POLN: variants seen among roughly 807,000 people sequenced by gnomAD.
The protein encoded by POLN is DNA polymerase N.
POLN carries 108 observed loss-of-function variants against 113.5 expected under a neutral mutation model. The ratio of observed to expected loss-of-function variants is 0.95; its 90% CI spans 0.81 to 1.12. The LOEUF is 1.12. POLN is among the 50% of genes most tolerant of loss of function. The pLI is 0.00. For missense variants in POLN, 1,097 were observed against 1,077.1 expected, an observed-to-expected ratio of 1.02 and a Z score of -0.26; for synonymous variants, 386 against 391.5, an observed-to-expected ratio of 0.99 and a Z score of 0.17.
chr4:2,149,998 G>A (rs1299355331), intron 16 of POLN, among the ~76,000 whole-genome samples: 1 of 151,142 alleles, frequency 6.6e-6, no homozygotes, highest in African/African-American at 2.4e-5. Flanking sequence ...CAGGAGAATC[G>A]CTTGAACCCG....
At chr4:2,124,476 G>T (rs1036788118) in intron 19 of POLN, among the ~76,000 whole-genome samples, 14 of 152,008 alleles carry the variant, frequency 9.2e-5, no homozygotes, top group African/African-American at 3.4e-4. Flanking sequence ...TGGGAGTCTT[G>T]CCATGTTGCC....
intron 3 of POLN, 133 bp downstream of exon 3, chr4:2,228,966 G>T: frequency 2.5e-6 from 2 of 801,764 alleles, no homozygotes; most frequent in Non-Finnish European, 3.9e-6. Context: ...AGCTCAGTCT[G>T]CACTGAATGA....
intron 13 of POLN, among the ~76,000 whole-genome samples, chr4:2,169,496 G>T (rs1732808109): frequency 6.6e-6 from 1 of 152,172 alleles, no homozygotes; most frequent in Non-Finnish European, 1.5e-5. Context: ...TTCTCAGAAT[G>T]GCCGATGCTT....
At chr4:2,129,547 G>T (rs570957818) in intron 17 of POLN, among the ~76,000 whole-genome samples, 38 of 151,896 alleles carry the variant, frequency 2.5e-4, no homozygotes, top group Admixed American at 4.6e-4. Context: ...ACACTGCCAT[G>T]ACCAGCTGAT....
At chr4:2,140,022 G>C (rs1731957028) in intron 16 of POLN, 1 of 152,134 alleles carries the variant, frequency 6.6e-6, no homozygotes, top group African/African-American at 2.4e-5. Context: ...AACTCAAAAG[G>C]TAAGTAATAA....
chr4:2,235,756 TA>T (rs1205263973), intron 2 of POLN, among the ~76,000 whole-genome samples: 1 of 152,170 alleles, frequency 6.6e-6, no homozygotes, highest in Non-Finnish European at 1.5e-5. Flanking sequence ...AATATATATA[TA>T]TGTGTGTATG....
chr4:2,240,330 T>A (rs1267858162), intron 2 of POLN: 1 of 1,603,642 alleles, frequency 6.2e-7, no homozygotes, highest in African/African-American at 1.3e-5. Flanking sequence ...TTGCTCTTCC[T>A]GACTTAGGTA....
chr4:2,102,765 A>G (rs1322150494), intron 19 of POLN, among the ~76,000 whole-genome samples: 1 of 152,300 alleles, frequency 6.6e-6, no homozygotes, highest in Non-Finnish European at 1.5e-5. Flanking sequence ...GCCTCCACCA[A>G]TACCTACACC....
chr4:2,123,144 G>C (rs1233962118), intron 19 of POLN, among the ~76,000 whole-genome samples: 1 of 151,820 alleles, frequency 6.6e-6, no homozygotes, highest in Admixed American at 6.6e-5. Context: ...TCCCACTAAG[G>C]GTAACAGATC....
chr4:2,114,170 A>C (rs1006421551), intron 19 of POLN, among the ~76,000 whole-genome samples: 23 of 152,016 alleles, frequency 1.5e-4, no homozygotes, highest in African/African-American at 5.3e-4. Context: ...AAGTGCTGGG[A>C]TTACAGGCAT....
intron 5 of POLN, among the ~76,000 whole-genome samples, chr4:2,198,974 C>T (rs1017982513): frequency 5.3e-5 from 8 of 151,972 alleles, no homozygotes; most frequent in Admixed American, 3.3e-4. Context: ...AAGGCAAACA[C>T]ATCAGAAAGG....
chr4:2,118,045 C>T (rs1280158676), intron 19 of POLN, among the ~76,000 whole-genome samples: 1 of 152,208 alleles, frequency 6.6e-6, no homozygotes, highest in African/African-American at 2.4e-5. Flanking sequence ...CTTTAGTCAG[C>T]TCTATCTATG....
chr4:2,078,675 G>A (rs1418125330), intron 23 of POLN: 2 of 985,292 alleles, frequency 2.0e-6, no homozygotes. Context: ...ATTACTCCTG[G>A]AAGAACAAAT....
chr4:2,187,792 G>A (rs1223571898), intron 7 of POLN, among the ~76,000 whole-genome samples: 2 of 151,946 alleles, frequency 1.3e-5, no homozygotes, highest in Non-Finnish European at 2.9e-5. Context: ...AGGAGGGAGT[G>A]GGATAACCTA....
At chr4:2,235,563 T>G (rs1734730703) in intron 2 of POLN, among the ~76,000 whole-genome samples, 1 of 152,188 alleles carries the variant, frequency 6.6e-6, no homozygotes, top group Non-Finnish European at 1.5e-5. Context: ...AAACTATGAA[T>G]GAACTATATA....
intron 7 of POLN, among the ~76,000 whole-genome samples, chr4:2,186,607 T>C (rs1193061447): frequency 2.0e-5 from 3 of 152,236 alleles, no homozygotes; most frequent in Non-Finnish European, 4.4e-5. Flanking sequence ...AACAGGTATA[T>C]TGACCAAAAA....
intron 3 of POLN, among the ~76,000 whole-genome samples, chr4:2,225,184 T>C (rs915491195): frequency 6.6e-6 from 1 of 151,988 alleles, no homozygotes; most frequent in Admixed American, 6.6e-5. Flanking sequence ...GTTGTTAACA[T>C]GGGTTAACAA....
chr4:2,115,913 TAGCTTAGCTGTC>T (rs2060429263), intron 19 of POLN, among the ~76,000 whole-genome samples: 1 of 152,230 alleles, frequency 6.6e-6, no homozygotes, highest in Non-Finnish European at 1.5e-5. Flanking sequence ...TGGAGTTTTA[TAGCTTAGCTGTC>T]AGCTTTTCAG....
chr4:2,205,647 G>A (rs1733821449), intron 5 of POLN, among the ~76,000 whole-genome samples: 1 of 152,164 alleles, frequency 6.6e-6, no homozygotes, highest in South Asian at 2.1e-4. Context: ...GTCCAAGGCA[G>A]GTGGATCACA....
Sources: gnomAD v4.1 joint callset for allele counts (sites outside exome capture counted in the v4.1 genomes callset) on GRCh38, gnomAD v4.1.1 for gene constraint, MANE v1.5 for transcripts, NCBI Gene and HGNC (gene_info 2026-07-23, HGNC 2026-07-21) for gene names.